The following MPHOSPH10 variants were observed in gnomAD, a reference collection of about 807,000 sequenced individuals.
MPHOSPH10 encodes the protein U3 small nucleolar ribonucleoprotein MPP10.
A neutral mutation model predicts 77.3 loss-of-function variants in MPHOSPH10; 33 were observed. That is an observed-to-expected ratio of 0.43 (90% CI 0.32 to 0.57). MPHOSPH10 has a LOEUF of 0.57. MPHOSPH10 is among the 20% of genes least tolerant of loss of function. The pLI is 0.07. For missense variants in MPHOSPH10, 708 were observed against 780.1 expected, an observed-to-expected ratio of 0.91 and a Z score of 1.10; for synonymous variants, 245 against 268.0, an observed-to-expected ratio of 0.91 and a Z score of 0.84.
At chr2:71,144,228 C>G in intron 7 of MPHOSPH10, 200 bp from the exon 8 acceptor site, 1 of 488,626 alleles carries the variant, frequency 2.0e-6, no homozygotes, top group Non-Finnish European at 3.6e-6. Flanking sequence ...GTTACTGTAG[C>G]TCCTAAAATG....
intron 4 of MPHOSPH10, among the ~76,000 whole-genome samples, chr2:71,138,023 G>A (rs538728578): frequency 6.6e-6 from 1 of 152,278 alleles, no homozygotes; most frequent in South Asian, 2.1e-4. Context: ...GGAGACGGAG[G>A]TTGCAGTGAG....
At chr2:71,136,511 T>C (rs1477904451) in intron 4 of MPHOSPH10, among the ~76,000 whole-genome samples, 1 of 150,976 alleles carries the variant, frequency 6.6e-6, no homozygotes, top group Non-Finnish European at 1.5e-5. Flanking sequence ...CTAGAGACTG[T>C]CTGAAAAAAT....
In MPHOSPH10 at chr2:71,134,026, CATG is replaced by C. The variant is rs1673438731; in HGVS notation, c.855_857del (p.Asp285del). 4 of 1,608,568 alleles carry C rather than the reference CATG, an allele frequency of 2.5e-6. No homozygotes were observed. Among genetic ancestry groups the C allele is most frequent in the Non-Finnish European group, 3.4e-6 (4 of 1,177,090 alleles). ...AAGTGATGAAGACATAACAAATGTT[CATG>C]ATGATGAGCTGGATTCAAACAAAGA... On this transcript the variant is annotated inframe_deletion, in exon 3 of 11. Coordinates refer to ENST00000244230, the MANE Select transcript of MPHOSPH10 (RefSeq NM_005791.3).
chr2:71,144,661 G>T (rs1673674741), intron 8 of MPHOSPH10, 123 bp downstream of exon 8: 1 of 725,124 alleles, frequency 1.4e-6, no homozygotes, highest in South Asian at 1.9e-5. Flanking sequence ...GTAAATTCCA[G>T]GCAGGGTCTC....
At chr2:71,143,830 A>G (rs1279996886) in intron 7 of MPHOSPH10, among the ~76,000 whole-genome samples, 4 of 152,196 alleles carry the variant, frequency 2.6e-5, no homozygotes, top group Non-Finnish European at 5.9e-5. Flanking sequence ...TGTATTTACC[A>G]CAGTTTATCT....
At chr2:71,133,808 GT>G in intron 2 of MPHOSPH10, 139 bp from the exon 3 acceptor site, 1 of 841,276 alleles carries the variant, frequency 1.2e-6, no homozygotes, top group Non-Finnish European at 1.7e-6. Context: ...TTAGTTATTA[GT>G]TTGGTTATTA....
rs547565231 is a variant in MPHOSPH10, at chr2:71,138,437, A to T, written c.1099-53A>T. On this transcript the variant is annotated intron_variant, in intron 4 of 10. Coordinates refer to ENST00000244230, the MANE Select transcript of MPHOSPH10 (RefSeq NM_005791.3). ...TTAAATTATTTTTTGCTTTTACACA[A>T]ATATAAGATTTTATTTTCTAAATGT... 275 of 1,377,644 alleles carry T rather than the reference A, an allele frequency of 2.0e-4. No individual in the cohort carries two copies. The East Asian group carries it at 6.0e-3, about 30-fold the overall frequency. The allele number at this position is 1,377,644 out of a possible 1,614,324, so 85.3% of individuals were successfully genotyped here.
intron 5 of MPHOSPH10, chr2:71,139,572 T>C (rs1673570078): frequency 2.4e-6 from 1 of 409,530 alleles, no homozygotes; most frequent in Non-Finnish European, 4.3e-6. Flanking sequence ...ATATGTATCC[T>C]AGTTTTGTGG....
At chr2:71,131,801 C>T (rs1421560941) in intron 1 of MPHOSPH10, among the ~76,000 whole-genome samples, 2 of 152,144 alleles carry the variant, frequency 1.3e-5, no homozygotes, top group Non-Finnish European at 2.9e-5. Flanking sequence ...GGACAAGTCA[C>T]AATGGAGGAA....
chr2:71,133,528 T>C lies in MPHOSPH10; in HGVS notation c.720T>C (p.Ile240=), dbSNP rs542683773. The C allele has an allele frequency of 1.2e-6, 2 of 1,610,524 alleles. No individual in the cohort carries two copies. The highest frequency in any genetic ancestry group is 1.7e-6 in the Non-Finnish European group (2 of 1,178,808). The change falls in exon 2 of 11, where the codon ATT becomes ATC. Residue 240 remains isoleucine (I), a synonymous_variant. Transcript: ENST00000244230. The stretch of plus-strand genomic sequence containing the variant: ...AAGATATTGATTTTTTTGAAGATAT[T>C]GATTCTGATGAAGATGAAGGGGGAC... ...EEEDIDFFED[I]DSDEDEGGLF...
In MPHOSPH10 at chr2:71,138,521, A is replaced by G. The variant is rs1378483117; in HGVS notation, c.1130A>G (p.Glu377Gly). ...GAAAAAATTGCATCTTTAGAAAAAGAGTTGTTAGAAAAAAAGCCGTGGCAG... is the reference window on the plus strand; with the variant it reads ...GAAAAAATTGCATCTTTAGAAAAAGGGTTGTTAGAAAAAAAGCCGTGGCAG... ...MNEKIASLEK[E>G]LLEKKPWQLQ... The change falls in exon 5 of 11, where the codon GAG (glutamate) becomes GGG (glycine). Residue 377 changes from glutamate (E) to glycine (G), a missense_variant. Physicochemically the swap from Glu to Gly is moderately conservative, Grantham distance 98. This residue lies in a region of MPHOSPH10 where 433 missense variants were observed against 432.6 expected (regional missense o/e 1.00). Transcript: ENST00000244230. 6.3e-7 allele frequency: 1 copy of G among 1,596,530 alleles called. No homozygotes were observed. The highest frequency in any genetic ancestry group is 8.5e-7 in the Non-Finnish European group (1 of 1,173,058).
Position 71,134,055 on chromosome 2 carries a change from A to T in MPHOSPH10, c.876A>T (p.Glu292Asp), listed in dbSNP as rs767515856. The change falls in exon 3 of 11, where the codon GAA becomes GAT. Residue 292 changes from glutamate to aspartate, a missense_variant. This residue lies in a region of MPHOSPH10 where 433 missense variants were observed against 432.6 expected (regional missense o/e 1.00). Coordinates refer to ENST00000244230, the MANE Select transcript of MPHOSPH10 (RefSeq NM_005791.3). ...ATGATGAGCTGGATTCAAACAAAGA[A>T]GATGATGAAATTGCTGAAGAAGAAG... ...VHDDELDSNK[E>D]DDEIAEEEAE... is the part of the protein sequence containing the mutation. 9.3e-6 allele frequency: 15 copies of T among 1,610,284 alleles called. No individual in the cohort carries two copies. The East Asian group carries it at 1.1e-4, about 12-fold the overall frequency.
At chr2:71,132,746 T>C (rs1673412308) in intron 1 of MPHOSPH10, 152 bp from the exon 2 acceptor site, 4 of 1,008,934 alleles carry the variant, frequency 4.0e-6, no homozygotes, top group Non-Finnish European at 5.6e-6. Flanking sequence ...TCAGTGTAGC[T>C]CATCAGCTTA....
chr2:71,144,684 T>A, intron 8 of MPHOSPH10, 146 bp downstream of exon 8: 1 of 636,928 alleles, frequency 1.6e-6, no homozygotes, highest in Non-Finnish European at 2.7e-6. Flanking sequence ...TGAGGAAAGC[T>A]CACTTCTGGT....
At position 71,133,486 on chromosome 2, in the gene MPHOSPH10, TA is replaced by T; in HGVS notation, c.680del (p.Asn227MetfsTer38). ...AAAAAGAAGAGGAACGAAAAGATGA[TA>T]ATGATGAGGAGGAGGAAGATATTGA... is the stretch of plus-strand genomic sequence containing the variant. ...IEKEEERKDD[N>X]DEEEEDIDFF... On this transcript the variant is annotated frameshift_variant, in exon 2 of 11. Coordinates refer to ENST00000244230, the MANE Select transcript of MPHOSPH10 (RefSeq NM_005791.3). LOFTEE classifies it high-confidence loss of function. The T allele has an allele frequency of 6.2e-7, 1 of 1,606,698 alleles. No individual in the cohort carries two copies. Among genetic ancestry groups the T allele is most frequent in the Middle Eastern group, 1.7e-4 (1 of 6,060 alleles).
chr2:71,137,150 A>C (rs2103667222), intron 4 of MPHOSPH10, among the ~76,000 whole-genome samples: 2 of 152,230 alleles, frequency 1.3e-5, no homozygotes, highest in Middle Eastern at 3.4e-3. Context: ...CATTTGATAA[A>C]ATTCAATATT....
chr2:71,136,913 A>AC, intron 4 of MPHOSPH10, among the ~76,000 whole-genome samples: 1 of 119,080 alleles, frequency 8.4e-6, no homozygotes, highest in African/African-American at 3.4e-5. Flanking sequence ...GTAGCATTAA[A>AC]ACACACACAC....
intron 1 of MPHOSPH10, 149 bp downstream of exon 1, chr2:71,130,903 C>A: frequency 1.4e-6 from 1 of 717,716 alleles, no homozygotes; most frequent in Non-Finnish European, 2.2e-6. Flanking sequence ...CTTTCCTAGG[C>A]TATCAAAATT....
intron 1 of MPHOSPH10, chr2:71,130,968 T>C (rs1673365335): frequency 1.8e-6 from 1 of 557,222 alleles, no homozygotes. Flanking sequence ...GTTACTGAAA[T>C]CACTCTAACC....
Sources: allele counts gnomAD v4.1 joint callset (sites outside exome capture counted in the v4.1 genomes callset), GRCh38; gene constraint gnomAD v4.1.1; regional missense constraint gnomAD v4.1.1; transcripts MANE v1.5; gene names NCBI Gene and HGNC (gene_info 2026-07-23, HGNC 2026-07-21).